Variants in BCL2 observed in about 807,000 individuals in gnomAD.
The protein encoded by BCL2 is apoptosis regulator Bcl-2.
Under a neutral mutation model 14.2 loss-of-function variants are expected in BCL2, and 1 was observed. The observed-to-expected ratio is 0.07, with a 90% confidence interval of 0.02 to 0.33. The LOEUF (loss-of-function observed/expected upper bound fraction) is 0.33, where lower values mean the gene tolerates loss of function less well. Ranked by LOEUF, BCL2 falls within the 10% of genes least tolerant of loss-of-function variation. The pLI is 0.99. For synonymous variants in BCL2, 151 were observed against 137.2 expected (o/e 1.10, Z -0.70); for missense variants, 247 against 305.9 (o/e 0.81, Z 1.44).
chr18:63,284,955 G>GA (rs1406161436), intron 2 of BCL2, among the ~76,000 whole-genome samples: 1 of 152,022 alleles, frequency 6.6e-6, no homozygotes, highest in Non-Finnish European at 1.5e-5. Flanking sequence ...CAGACGCCAG[G>GA]AAAAAAATGG....
chr18:63,182,582 G>GAGCA (rs1915504350), intron 2 of BCL2, among the ~76,000 whole-genome samples: 2 of 152,172 alleles, frequency 1.3e-5, no homozygotes, highest in African/African-American at 4.8e-5. Flanking sequence ...GAAGAAGAGA[G>GAGCA]AGCAGCTACC....
chr18:63,314,619 C>T (rs1202656103), intron 2 of BCL2: 4 of 152,224 alleles, frequency 2.6e-5, no homozygotes. Flanking sequence ...TCACAGTTCC[C>T]AGTTTAGAGG....
rs534157933 is a variant in BCL2 at position 63,222,041 on chromosome 18, G to A, written c.586-93282C>T. Among the ~76,000 whole-genome samples the A allele has an allele frequency of 4.1e-4, 62 of 152,218 alleles. 2 individuals carry two copies. The South Asian group carries it at 9.3e-3, about 23-fold the overall frequency. On this transcript the variant is annotated intron_variant, in intron 2 of 2. Coordinates refer to ENST00000333681, the MANE Select transcript of BCL2 (RefSeq NM_000633.3). ...CATGCCTGTAATCCCAGCACTTTTG[G>A]AGGCTGAGGCAGGCAGATCACTTGA...
At chr18:63,194,835 ACCCAGGAGAGCAGGAAC>A (rs1036476466) in intron 2 of BCL2, among the ~76,000 whole-genome samples, 6 of 152,182 alleles carry the variant, frequency 3.9e-5, no homozygotes, top group Admixed American at 6.5e-5. Context: ...GGTCAGTGAT[ACCCAGGAGAGCAGGAAC>A]CATGGCGTAT....
At chr18:63,151,524 G>C (rs1914652009) in intron 2 of BCL2, among the ~76,000 whole-genome samples, 1 of 136,268 alleles carries the variant, frequency 7.3e-6, no homozygotes, top group Admixed American at 7.7e-5. Flanking sequence ...GGGGCGAGGG[G>C]AGGGGACAGC....
At position 63,319,327 on chromosome 18, in the gene BCL2, A is replaced by G. The variant is rs1247269716; in HGVS notation, c.-440T>C. ...TGAATCAGGAGTCGCGGGGAGAGGG[A>G]GTAAAAATTAGGAGGATTTCCAGAT... On this transcript the variant is annotated 5_prime_UTR_variant, in exon 1 of 3. Coordinates refer to ENST00000333681, the MANE Select transcript of BCL2 (RefSeq NM_000633.3). 1 of 227,600 alleles carries G rather than the reference A, an allele frequency of 4.4e-6. No individual in the cohort carries two copies. 14.1% of individuals were successfully genotyped at this position (227,600 alleles called of 1,614,324 possible).
intron 2 of BCL2, among the ~76,000 whole-genome samples, chr18:63,135,564 T>C (rs74354585): frequency 0.03 from 4,611 of 152,238 alleles, 191 homozygotes; most frequent in African/African-American, 0.1. Flanking sequence ...ACTGGGATCA[T>C]TGGGCAAGAA....
intron 2 of BCL2, among the ~76,000 whole-genome samples, chr18:63,170,275 C>A (rs66836460): frequency 0.29 from 44,515 of 151,728 alleles, 8,926 homozygotes; most frequent in African/African-American, 0.54. Context: ...GAATGAATAA[C>A]TCATTGAACT....
chr18:63,285,702 C>A (rs1262547096), intron 2 of BCL2, among the ~76,000 whole-genome samples: 2 of 150,700 alleles, frequency 1.3e-5, no homozygotes, highest in Non-Finnish European at 3.0e-5. Context: ...TCTCTCATCT[C>A]TGAGTGTGTA....
At chr18:63,250,229 G>T (rs1043130157) in intron 2 of BCL2, among the ~76,000 whole-genome samples, 10 of 152,220 alleles carry the variant, frequency 6.6e-5, no homozygotes, top group South Asian at 2.1e-4. Context: ...CTACTGCAAA[G>T]GAGAACATAT....
At position 63,317,802 on chromosome 18, in the gene BCL2, T is replaced by TAC. The variant is rs1217621605; in HGVS notation, c.585+278_585+279dup. On this transcript the variant is annotated intron_variant, in intron 2 of 2. Coordinates refer to ENST00000333681, the MANE Select transcript of BCL2 (RefSeq NM_000633.3). ...TTCAGCTTGAGAAACACTGAAGGGG[T>TAC]ACCATTTACCACCACATCCTACTGG... is the stretch of plus-strand genomic sequence containing the variant. 7.6e-6 allele frequency: 10 copies of TAC among 1,317,826 alleles called. 1 individual carries two copies. Among genetic ancestry groups the TAC allele is most frequent in the Non-Finnish European group, 9.7e-6 (10 of 1,034,006 alleles). The allele number at this position is 1,317,826 out of a possible 1,614,324, so 81.6% of individuals were successfully genotyped here. A position where few individuals can be genotyped will look rare whatever the true frequency, so the allele number is the denominator to read the frequency against.
intron 2 of BCL2, among the ~76,000 whole-genome samples, chr18:63,284,707 C>G (rs530795109): frequency 6.6e-6 from 1 of 152,346 alleles, no homozygotes; most frequent in African/African-American, 2.4e-5. Context: ...GCAGAGAACA[C>G]CGCCAGGCTA....
rs977840505 is a variant in BCL2, at chr18:63,319,318, G to A, written c.-431C>T. 1 of 227,906 alleles carries A rather than the reference G, an allele frequency of 4.4e-6. No individual in the cohort carries two copies. Among genetic ancestry groups the A allele is most frequent in the African/African-American group, 2.2e-5 (1 of 45,020 alleles). 14.1% of individuals were successfully genotyped at this position (227,906 alleles called of 1,614,324 possible). A position where few individuals can be genotyped will look rare whatever the true frequency, so the allele number is the denominator to read the frequency against. On this transcript the variant is annotated 5_prime_UTR_variant, in exon 1 of 3. Transcript: ENST00000333681. ...ACTTCCCAATGAATCAGGAGTCGCGGGGAGAGGGAGTAAAAATTAGGAGGA... is the reference window on the plus strand; with the variant it reads ...ACTTCCCAATGAATCAGGAGTCGCGAGGAGAGGGAGTAAAAATTAGGAGGA...
intron 2 of BCL2, among the ~76,000 whole-genome samples, chr18:63,135,098 C>G (rs1407593585): frequency 6.6e-6 from 1 of 152,124 alleles, no homozygotes; most frequent in Non-Finnish European, 1.5e-5. Flanking sequence ...GAAACTTTGA[C>G]AGGTAAAGCA....
At chr18:63,247,448 T>C (rs1230234008) in intron 2 of BCL2, among the ~76,000 whole-genome samples, 2 of 152,106 alleles carry the variant, frequency 1.3e-5, no homozygotes, top group Non-Finnish European at 2.9e-5. Context: ...TCTGCCCACC[T>C]TGACCTCCCA....
At chr18:63,288,777 G>T (rs886386343) in intron 2 of BCL2, among the ~76,000 whole-genome samples, 2 of 152,062 alleles carry the variant, frequency 1.3e-5, no homozygotes, top group South Asian at 4.2e-4. Context: ...AATCACAGAA[G>T]AACAACATAA....
At chr18:63,265,703 C>T (rs1029000011) in intron 2 of BCL2, among the ~76,000 whole-genome samples, 1 of 152,058 alleles carries the variant, frequency 6.6e-6, no homozygotes, top group Non-Finnish European at 1.5e-5. Context: ...AACCAGGGAC[C>T]TATCTGGAAC....
intron 2 of BCL2, chr18:63,317,820 C>G: frequency 7.3e-7 from 1 of 1,365,002 alleles, no homozygotes; most frequent in South Asian, 1.8e-5. Context: ...ACCACCACAT[C>G]CTACTGGATT....
At chr18:63,198,960 GAC>G (rs1423104783) in intron 2 of BCL2, among the ~76,000 whole-genome samples, 48 of 2,358 alleles carry the variant, frequency 0.02, no homozygotes, top group East Asian at 0.029. Context: ...GACACACACA[GAC>G]ACACACTGAC....
Sources: allele counts gnomAD v4.1 joint callset (sites outside exome capture counted in the v4.1 genomes callset), GRCh38; gene constraint gnomAD v4.1.1; transcripts MANE v1.5; gene names NCBI Gene and HGNC (gene_info 2026-07-23, HGNC 2026-07-21).